The following CD164 variants were observed in gnomAD, a reference collection of about 807,000 sequenced individuals.
CD164 encodes CD164 molecule, also known as sialomucin core protein 24.
A neutral mutation model predicts 24.6 loss-of-function variants in CD164; 11 were observed. That is an observed-to-expected ratio of 0.45 (90% CI 0.28 to 0.74). CD164 has a LOEUF of 0.74. CD164 is among the 30% of genes least tolerant of loss of function. The pLI is 0.13. For missense variants in CD164, 295 were observed against 243.7 expected, an observed-to-expected ratio of 1.21 and a Z score of -1.40; for synonymous variants, 126 against 100.3, an observed-to-expected ratio of 1.26 and a Z score of -1.53.
chr6:109,375,966 C>T, intron 4 of CD164, 108 bp downstream of exon 4: 2 of 835,256 alleles, frequency 2.4e-6, no homozygotes, highest in East Asian at 2.9e-5. Context: ...AGTTTTTACT[C>T]ATCTTTAAAA....
chr6:109,369,162 AT>A (rs1343451359), intron 5 of CD164, 145 bp from the exon 6 acceptor site: 6 of 705,848 alleles, frequency 8.5e-6, no homozygotes, highest in Non-Finnish European at 1.4e-5. Context: ...TTTATCCCTA[AT>A]TGAGGAAGAC....
At chr6:109,381,604 T>C (rs756492943) in intron 1 of CD164, 1 of 702,544 alleles carries the variant, frequency 1.4e-6, no homozygotes, top group South Asian at 1.5e-5. Context: ...TTTCACTAAC[T>C]ACGTGCTCAA....
chr6:109,378,152 C>T (rs570090603), intron 2 of CD164, among the ~76,000 whole-genome samples, 181 bp from the exon 3 acceptor site: 1 of 152,316 alleles, frequency 6.6e-6, no homozygotes, highest in South Asian at 2.1e-4. Context: ...TTCTCCTTTT[C>T]CCACTGACTT....
In CD164 at chr6:109,367,359, T is replaced by C. The variant is rs984905144; in HGVS notation, c.*1492A>G. On this transcript the variant is annotated 3_prime_UTR_variant, in exon 6 of 6. Coordinates refer to ENST00000310786, the MANE Select transcript of CD164 (RefSeq NM_006016.6). ...AACAAAGCAGTTTGTCATTTCTTAC[T>C]ATAAAATATTGAAAATCAAGTGCGA... 2 of 152,560 alleles carry C rather than the reference T, an allele frequency of 1.3e-5. No homozygotes were observed. The highest frequency in any genetic ancestry group is 4.8e-5 in the African/African-American group (2 of 41,466). The allele number at this position is 152,560 out of a possible 1,614,324, so 9.5% of individuals were successfully genotyped here.
Position 109,369,874 on chromosome 6 carries a change from A to G in CD164, c.427+537T>C, listed in dbSNP as rs79467546. Among the ~76,000 whole-genome samples, 1,439 of 152,334 alleles carry G rather than the reference A, an allele frequency of 9.4e-3. 27 individuals carry two copies. Among genetic ancestry groups the G allele is most frequent in the East Asian group, 0.06 (310 of 5,192 alleles). ...AAGGATTCCTAACCTGTGTACCTAC[A>G]GTATCCTGTGGCGTAACCTAACTAT... On this transcript the variant is annotated intron_variant, in intron 5 of 5. Transcript: ENST00000310786.
chr6:109,378,345 G>A (rs1489646175), intron 2 of CD164, among the ~76,000 whole-genome samples: 1 of 152,090 alleles, frequency 6.6e-6, no homozygotes, highest in Non-Finnish European at 1.5e-5. Flanking sequence ...ACTTTGGGAG[G>A]CCAGGGTGGG....
chr6:109,374,800 C>A (rs1771302651), intron 4 of CD164, among the ~76,000 whole-genome samples: 1 of 152,152 alleles, frequency 6.6e-6, no homozygotes, highest in Admixed American at 6.5e-5. Context: ...TGACCCGCTG[C>A]TCCACTTCAG....
At chr6:109,377,790 T>G in intron 3 of CD164, 110 bp downstream of exon 3, 7 of 767,564 alleles carry the variant, frequency 9.1e-6, no homozygotes, top group Admixed American at 1.9e-5. Flanking sequence ...TCTAACAAGA[T>G]GAGAATTATG....
chr6:109,382,109 C>A, intron 1 of CD164, 95 bp downstream of exon 1: 4 of 1,149,432 alleles, frequency 3.5e-6, no homozygotes, highest in Non-Finnish European at 4.5e-6. Flanking sequence ...GCCCGCCCGA[C>A]CGTGGCCCGA....
rs1243492045 is a variant in CD164, at chr6:109,367,593, AGAAG to A, written c.*1254_*1257del. The stretch of plus-strand genomic sequence containing the variant: ...ATGCTTATTATACTATGGGAAACCA[AGAAG>A]GAAGGGAGAGAAAAAGAAAAAGCAC... On this transcript the variant is annotated 3_prime_UTR_variant, in exon 6 of 6. Transcript: ENST00000310786. 1.3e-5 allele frequency: 2 copies of A among 152,594 alleles called. No homozygotes were observed. The highest frequency in any genetic ancestry group is 1.3e-4 in the Admixed American group (2 of 15,282). The allele number at this position is 152,594 out of a possible 1,614,324, so 9.5% of individuals were successfully genotyped here.
At position 109,368,710 on chromosome 6, in the gene CD164, C is replaced by T; in HGVS notation, c.*141G>A. The T allele has an allele frequency of 7.1e-7, 1 of 1,399,550 alleles. No individual in the cohort carries two copies. The highest frequency in any genetic ancestry group is 9.3e-7 in the Non-Finnish European group (1 of 1,080,732). The allele number at this position is 1,399,550 out of a possible 1,614,324, so 86.7% of individuals were successfully genotyped here. ...TGATTTTTTCTTCACGGATGATGCT[C>T]CCAAACATCCTATATGCATCCATGG... On this transcript the variant is annotated 3_prime_UTR_variant, in exon 6 of 6. Coordinates refer to ENST00000310786, the MANE Select transcript of CD164 (RefSeq NM_006016.6).
chr6:109,373,528 C>T (rs1771215540), intron 4 of CD164, among the ~76,000 whole-genome samples: 1 of 152,096 alleles, frequency 6.6e-6, no homozygotes, highest in African/African-American at 2.4e-5. Flanking sequence ...AGCTATAGCA[C>T]AAAAGACTCA....
chr6:109,375,617 C>CAAAAAAAAAAAAAAGAA (rs58138405), intron 4 of CD164, among the ~76,000 whole-genome samples: 1 of 71,388 alleles, frequency 1.4e-5, no homozygotes, highest in African/African-American at 3.7e-5. Flanking sequence ...ACTTCGCTTC[C>CAAAAAAAAAAAAAAGAA]AAAAAAAAAA....
chr6:109,373,793 C>T (rs1461108387), intron 4 of CD164, among the ~76,000 whole-genome samples: 1 of 152,196 alleles, frequency 6.6e-6, no homozygotes, highest in Non-Finnish European at 1.5e-5. Flanking sequence ...ACCATATAAT[C>T]ATCAGCTCAA....
Position 109,368,825 on chromosome 6 carries a change from A to G in CD164, c.*26T>C, listed in dbSNP as rs1770914757. The G allele has an allele frequency of 6.3e-7, 1 of 1,593,820 alleles. No homozygotes were observed. Among genetic ancestry groups the G allele is most frequent in the Non-Finnish European group, 8.5e-7 (1 of 1,172,778 alleles). Reference sequence around the variant, plus strand: ...CAGTGAGTTACACAAATGAATCACCAGTCCTTATTAATTCAATGGGTCTGT... The same window carrying G: ...CAGTGAGTTACACAAATGAATCACCGGTCCTTATTAATTCAATGGGTCTGT... On this transcript the variant is annotated 3_prime_UTR_variant, in exon 6 of 6. Transcript: ENST00000310786.
intron 5 of CD164, among the ~76,000 whole-genome samples, chr6:109,369,529 T>C (rs1362960967): frequency 7.0e-6 from 1 of 143,756 alleles, no homozygotes; most frequent in Non-Finnish European, 1.6e-5. Flanking sequence ...AAATTTCACA[T>C]GAGAAAGTAT....
In CD164 at chr6:109,367,605, G is replaced by A. The variant is rs536516743; in HGVS notation, c.*1246C>T. ...CTATGGGAAACCAAGAAGGAAGGGA[G>A]AGAAAAAGAAAAAGCACAGTCTATT... On this transcript the variant is annotated 3_prime_UTR_variant, in exon 6 of 6. Transcript: ENST00000310786. 1 of 152,344 alleles carries A rather than the reference G, an allele frequency of 6.6e-6. No homozygotes were observed. Among genetic ancestry groups the A allele is most frequent in the African/African-American group, 2.4e-5 (1 of 41,388 alleles). The allele number at this position is 152,344 out of a possible 1,614,324, so 9.4% of individuals were successfully genotyped here.
intron 4 of CD164, among the ~76,000 whole-genome samples, chr6:109,374,074 CTTT>C (rs1222283263): frequency 6.6e-6 from 1 of 152,160 alleles, no homozygotes; most frequent in South Asian, 2.1e-4. Context: ...CTTCTCTGGG[CTTT>C]TTTACTACCC....
At chr6:109,375,626 A>AAAAAAAAAAAAAAAAAAAAAAAAAAAAG (rs1554215557) in intron 4 of CD164, among the ~76,000 whole-genome samples, 1 of 147,660 alleles carries the variant, frequency 6.8e-6, no homozygotes, top group Admixed American at 6.9e-5. Flanking sequence ...CCAAAAAAAA[A>AAAAAAAAAAAAAAAAAAAAAAAAAAAAG]AAAAGAAAAG....
Sources: allele counts gnomAD v4.1 joint callset (sites outside exome capture counted in the v4.1 genomes callset), GRCh38; gene constraint gnomAD v4.1.1; transcripts MANE v1.5; gene names NCBI Gene and HGNC (gene_info 2026-07-23, HGNC 2026-07-21).